Variants in ZFP28 observed in about 807,000 individuals in gnomAD.
The protein encoded by ZFP28 is zinc finger protein 28 homolog.
In ZFP28, 31 loss-of-function variants were observed where a neutral mutation model predicts 39.5. The observed-to-expected ratio is 0.79, with a 90% CI of 0.59 to 1.06. The LOEUF (loss-of-function observed/expected upper bound fraction) is 1.06, where lower values mean the gene tolerates loss of function less well. Ranked by LOEUF, ZFP28 falls within the 50% of genes least tolerant of loss-of-function variation. The pLI, the probability that ZFP28 is intolerant of heterozygous loss-of-function variation, is 0.00. For missense variants in ZFP28, 925 were observed against 1,048.4 expected (o/e 0.88, Z 1.63); for synonymous variants, 400 against 378.6 (o/e 1.06, Z -0.66).
chr19:56,544,041 T>C (rs1450045543), intron 2 of ZFP28, among the ~76,000 whole-genome samples: 1 of 152,214 alleles, frequency 6.6e-6, no homozygotes, highest in African/African-American at 2.4e-5. Context: ...TAATTGGACC[T>C]GCCTCAAGCA....
At chr19:56,544,963 C>G (rs1158239333) in intron 2 of ZFP28, among the ~76,000 whole-genome samples, 1 of 152,214 alleles carries the variant, frequency 6.6e-6, no homozygotes, top group Non-Finnish European at 1.5e-5. Context: ...AAGCAGATCA[C>G]TAATGCATAG....
rs896720536 is a variant in ZFP28, at chr19:56,556,093, G to A, written c.*701G>A. 1.7e-4 allele frequency: 26 copies of A among 152,324 alleles called. No individual in the cohort carries two copies. Among genetic ancestry groups the A allele is most frequent in the African/African-American group, 6.3e-4 (26 of 41,576 alleles). The allele number at this position is 152,324 out of a possible 1,614,324, so 9.4% of individuals were successfully genotyped here. On this transcript the variant is annotated 3_prime_UTR_variant, in exon 8 of 8. Transcript: ENST00000301318. Reference sequence around the variant, plus strand: ...GGAACCATTCATTGTGAGGTAAACTGATCCAGAATAGGGGTCAGCAAACTA... The same window carrying A: ...GGAACCATTCATTGTGAGGTAAACTAATCCAGAATAGGGGTCAGCAAACTA...
intron 2 of ZFP28, chr19:56,545,430 C>T (rs1394564085): frequency 6.6e-6 from 1 of 152,208 alleles, no homozygotes; most frequent in Non-Finnish European, 1.5e-5. Flanking sequence ...GATATCAAAC[C>T]TCAAAGGGAC....
At position 56,554,321 on chromosome 19, in the gene ZFP28, A is replaced by G. The variant is rs764992767; in HGVS notation, c.1536A>G (p.Lys512=). 4 of 1,614,202 alleles carry G rather than the reference A, an allele frequency of 2.5e-6. No homozygotes were observed. Among genetic ancestry groups the G allele is most frequent in the South Asian group, 2.2e-5 (2 of 91,084 alleles). The change falls in exon 8 of 8, where the codon AAA becomes AAG. Residue 512 remains lysine (K), a synonymous_variant. Transcript: ENST00000301318. The surrounding 1 kb of genome is among the most constrained non-coding windows in gnomAD (Gnocchi z 6.7). ...CCTTTGATTGCATCGATTGTGGGAA[A>G]GCCTTCAGTGACCACATAGGGCTTA... ...EKPFDCIDCG[K]AFSDHIGLNQ... is the part of the protein sequence containing the mutation.
At chr19:56,551,967 A>G (rs1260291278) in intron 7 of ZFP28, 1 of 975,212 alleles carries the variant, frequency 1.0e-6, no homozygotes, top group Non-Finnish European at 1.2e-6. Context: ...AAATTATGAC[A>G]TGTAAAAATT....
rs375387293 is a variant in ZFP28, at chr19:56,550,521, G to A, written c.814G>A (p.Ala272Thr). The A allele has an allele frequency of 6.2e-7, 1 of 1,613,934 alleles. No individual in the cohort carries two copies. The highest frequency in any genetic ancestry group is 1.1e-5 in the South Asian group (1 of 91,064). ...TTTCACTTTTTCAGGACATTGTGTG[G>A]CTAAGCCAGATTTAGTCTCTTTACT... The part of the protein sequence containing the change: ...SDLGSAGHCV[A>T]KPDLVSLLEQ... Residue 272 changes from alanine (A) to threonine (T), a missense_variant, in exon 7 of 8, where the codon GCT becomes ACT. Transcript: ENST00000301318.
At position 56,554,562 on chromosome 19, in the gene ZFP28, G is replaced by A. The variant is rs2044334204; in HGVS notation, c.1777G>A (p.Glu593Lys). 5 of 1,614,152 alleles carry A rather than the reference G, an allele frequency of 3.1e-6. No individual in the cohort carries two copies. The East Asian group carries it at 8.9e-5, about 29-fold the overall frequency. The change falls in exon 8 of 8, where the codon GAG becomes AAG. Residue 593 changes from glutamate to lysine, a missense_variant. Physicochemically the swap from Glu to Lys is moderately conservative, Grantham distance 56. Transcript: ENST00000301318. The surrounding 1 kb of genome is among the most constrained non-coding windows in gnomAD (Gnocchi z 6.7). The stretch of plus-strand genomic sequence containing the variant: ...TGGAGAAAAGCCTTTTAAGTGTAAA[G>A]AGTGCGGAAAAGCTTTTAGGCAGAA... ...HSGEKPFKCK[E>K]CGKAFRQNIH...
At chr19:56,550,925 T>G in intron 7 of ZFP28, 1 of 1,422,610 alleles carries the variant, frequency 7.0e-7, no homozygotes, top group Non-Finnish European at 9.1e-7. Flanking sequence ...CTTCTGTGGT[T>G]AAATGGCCTA....
chr19:56,547,596 A>G lies in ZFP28; in HGVS notation c.389A>G (p.Lys130Arg). 6.2e-7 allele frequency: 1 copy of G among 1,613,682 alleles called. No homozygotes were observed. Among genetic ancestry groups the G allele is most frequent in the Non-Finnish European group, 8.5e-7 (1 of 1,179,748 alleles). ...LNPIQRNLYR[K>R]VMLENYRNLA... ...CCCATTCAGAGGAACTTGTACAGGA[A>G]GGTGATGTTGGAGAACTACAGGAAC... The change falls in exon 3 of 8, where the codon AAG (lysine) becomes AGG (arginine). Residue 130 changes from lysine to arginine, a missense_variant. Coordinates refer to ENST00000301318, the MANE Select transcript of ZFP28 (RefSeq NM_020828.2). The surrounding 1 kb of genome is among the most constrained non-coding windows in gnomAD (Gnocchi z 4.6).
intron 7 of ZFP28, chr19:56,551,844 T>G (rs2147962530): frequency 1.0e-6 from 1 of 982,770 alleles, no homozygotes. Context: ...TTAAATATTT[T>G]CTTAACAGTC....
rs770435245 is a variant in ZFP28 at position 56,550,094 on chromosome 19, G to A, written c.715G>A (p.Val239Ile). ...CTTGGTGACTATCAAAAACCTGGCT[G>A]TTGACTTCCGCCAGCAGCTACACCC... Reference protein sequence around the residue: ...PGLVTIKNLAVDFRQQLHPAQ... With the variant: ...PGLVTIKNLAIDFRQQLHPAQ... Residue 239 changes from valine to isoleucine, a missense_variant, in exon 6 of 8, where the codon GTT (valine) becomes ATT (isoleucine). By Grantham distance (29) the Val-to-Ile change is conservative. Around this residue, in one of 2 missense-constraint regions of ZFP28, gnomAD observed 556 missense variants for 542.9 expected, o/e 1.02. Coordinates refer to ENST00000301318, the MANE Select transcript of ZFP28 (RefSeq NM_020828.2). 4 of 1,612,574 alleles carry A rather than the reference G, an allele frequency of 2.5e-6. No individual in the cohort carries two copies. In the African/African-American group the frequency reaches 5.3e-5, roughly 22 times the overall value.
intron 5 of ZFP28, 44 bp from the exon 6 acceptor site, chr19:56,550,023 C>T (rs1488081831): frequency 5.9e-6 from 9 of 1,525,418 alleles, no homozygotes; most frequent in Non-Finnish European, 6.3e-6. Flanking sequence ...CAGGTGAGTT[C>T]ACGAACATGG....
At position 56,554,263 on chromosome 19, in the gene ZFP28, G is replaced by A. The variant is rs1199472584; in HGVS notation, c.1478G>A (p.Arg493His). ...KAFIQNTSLI[R>H]HWRYYHTGEK... ...TTCATACAGAACACATCCCTTATCC[G>A]TCACTGGAGATACTATCATACTGGG... The change falls in exon 8 of 8, where the codon CGT becomes CAT. Residue 493 changes from arginine to histidine, a missense_variant. By Grantham distance (29) the Arg-to-His change is conservative (BLOSUM62 0). Around this residue, in one of 2 missense-constraint regions of ZFP28, gnomAD observed 369 missense variants for 505.5 expected, o/e 0.73. Transcript: ENST00000301318. The surrounding 1 kb of genome is among the most constrained non-coding windows in gnomAD (Gnocchi z 6.7). 6.8e-6 allele frequency: 11 copies of A among 1,613,966 alleles called. No homozygotes were observed. The highest frequency in any genetic ancestry group is 1.6e-4 in the Middle Eastern group (1 of 6,084).
At chr19:56,550,391 C>T in intron 6 of ZFP28, 119 bp from the exon 7 acceptor site, 4 of 952,800 alleles carry the variant, frequency 4.2e-6, no homozygotes, top group Non-Finnish European at 6.3e-6. Context: ...CTTTCAGATC[C>T]TACTCACCTG....
At position 56,556,341 on chromosome 19, in the gene ZFP28, T is replaced by C. The variant is rs947215961; in HGVS notation, c.*949T>C. 10 of 152,358 alleles carry C rather than the reference T, an allele frequency of 6.6e-5. No homozygotes were observed. Among genetic ancestry groups the C allele is most frequent in the South Asian group, 2.1e-4 (1 of 4,834 alleles). 9.4% of individuals were successfully genotyped at this position (152,358 alleles called of 1,614,324 possible). On this transcript the variant is annotated 3_prime_UTR_variant, in exon 8 of 8. Transcript: ENST00000301318. Reference sequence around the variant, plus strand: ...AGGCTGTAGCAGCAGAGTTGAGCAGTTGTGACAGGAGACCATGTGGCCTGC... The same window carrying C: ...AGGCTGTAGCAGCAGAGTTGAGCAGCTGTGACAGGAGACCATGTGGCCTGC...
chr19:56,554,478 G>A lies in ZFP28; in HGVS notation c.1693G>A (p.Val565Ile), dbSNP rs1327269096. The A allele has an allele frequency of 6.2e-7, 1 of 1,614,104 alleles. No homozygotes were observed. Among genetic ancestry groups the A allele is most frequent in the Non-Finnish European group, 8.5e-7 (1 of 1,180,054 alleles). ...CGGAGAAAAACCATATGAATGTGAT[G>A]TTTGCAGAAAAGCCTTCAGCCATCA... ...HTGEKPYECDVCRKAFSHHAS... is the reference protein window; with the variant it reads ...HTGEKPYECDICRKAFSHHAS... Residue 565 changes from valine to isoleucine, a missense_variant, in exon 8 of 8, where the codon GTT becomes ATT. Transcript: ENST00000301318. The surrounding 1 kb of genome is among the most constrained non-coding windows in gnomAD (Gnocchi z 6.7).
rs111547322 is a variant in ZFP28 at position 56,549,010 on chromosome 19, C to T, written c.576C>T (p.Cys192=). 22 of 1,613,852 alleles carry T rather than the reference C, an allele frequency of 1.4e-5. No homozygotes were observed. The highest frequency in any genetic ancestry group is 1.3e-4 in the East Asian group (6 of 44,872). ...AGTTACCTCTCAAGAAGGACTTCTGCGAAGGAAAGCTATCCCAGGCAGTGA... is the reference window on the plus strand; with the variant it reads ...AGTTACCTCTCAAGAAGGACTTCTGTGAAGGAAAGCTATCCCAGGCAGTGA... ...IKELPLKKDF[C]EGKLSQAVIT... The change falls in exon 5 of 8, where the codon TGC becomes TGT. Residue 192 remains cysteine, a synonymous_variant. Transcript: ENST00000301318.
chr19:56,552,205 T>C (rs1302539373), intron 7 of ZFP28: 1 of 163,816 alleles, frequency 6.1e-6, no homozygotes, highest in Non-Finnish European at 1.3e-5. Context: ...CATATCTTCT[T>C]GCTTACATGT....
At chr19:56,551,164 G>C in intron 7 of ZFP28, 1 of 992,274 alleles carries the variant, frequency 1.0e-6, no homozygotes, top group Non-Finnish European at 1.2e-6. Flanking sequence ...AGGAGATGTT[G>C]TTCCCAGTGG....
Sources: gnomAD v4.1 joint callset for allele counts (sites outside exome capture counted in the v4.1 genomes callset) on GRCh38, gnomAD v4.1.1 for gene constraint, gnomAD v4.1.1 regional missense constraint, Gnocchi (gnomAD v3.1) non-coding constraint, MANE v1.5 for transcripts, NCBI Gene and HGNC (gene_info 2026-07-23, HGNC 2026-07-21) for gene names.